The following CUL2 variants were observed in gnomAD, a reference collection of about 807,000 sequenced individuals.
CUL2 encodes cullin-2.
A neutral mutation model predicts 110.2 loss-of-function variants in CUL2; 22 were observed. The observed-to-expected ratio is 0.20, with a 90% CI of 0.14 to 0.28. The LOEUF (loss-of-function observed/expected upper bound fraction) is 0.28. Among genes scored for constraint, CUL2 ranks in the 10% least tolerant of loss-of-function variants. The probability of loss-of-function intolerance (pLI) is 1.00; values close to 1 mark genes in which losing one functional copy is unlikely to be tolerated. For synonymous variants in CUL2, 279 were observed against 293.2 expected (o/e 0.95, Z 0.49); for missense variants, 631 against 905.5 (o/e 0.70, Z 3.89).
chr10:35,047,050 T>C (rs536460223), intron 6 of CUL2, among the ~76,000 whole-genome samples: 2 of 152,350 alleles, frequency 1.3e-5, no homozygotes, highest in East Asian at 1.9e-4. Flanking sequence ...GATAAAATTT[T>C]CCAGGTAATA....
intron 17 of CUL2, among the ~76,000 whole-genome samples, chr10:35,018,122 CAA>C (rs11395891): frequency 1.5e-5 from 2 of 131,562 alleles, no homozygotes; most frequent in African/African-American, 2.9e-5. Context: ...ACTAAAAATA[CAA>C]AAAAAAAAAA....
At chr10:35,115,328 GAGGCGGGCGGATAGCGA>G (rs1204922587) in intron 1 of CUL2, among the ~76,000 whole-genome samples, 4 of 150,910 alleles carry the variant, frequency 2.7e-5, no homozygotes, top group Admixed American at 6.6e-5. Context: ...TTGGGAGGCG[GAGGCGGGCGGATAGCGA>G]GGTTAGGAAT....
chr10:35,105,633 G>A (rs1013653010), intron 1 of CUL2, among the ~76,000 whole-genome samples: 2 of 151,228 alleles, frequency 1.3e-5, no homozygotes, highest in Non-Finnish European at 2.9e-5. Context: ...ACTTGACCCC[G>A]GGAGGCAGAG....
chr10:35,054,511 T>G lies in CUL2; in HGVS notation c.346A>C (p.Asn116His). 6.3e-7 allele frequency: 1 copy of G among 1,596,172 alleles called. No individual in the cohort carries two copies. Among genetic ancestry groups the G allele is most frequent in the Non-Finnish European group, 8.5e-7 (1 of 1,171,496 alleles). Residue 116 changes from asparagine to histidine, a missense_variant, in exon 5 of 21, where the codon AAT becomes CAT. Asn to His is a moderately conservative substitution (Grantham distance 68). Transcript: ENST00000374749. ...TGAAGGTCCGCTTCTGTTAATTTAT[T>G]CTTTTTAATAAACTGGGTGTTGAGA... The part of the protein sequence containing the change: ...RYLNTQFIKK[N>H]KLTEADLQYG...
chr10:35,047,405 T>TA (rs1176671435), intron 6 of CUL2, among the ~76,000 whole-genome samples: 2 of 148,850 alleles, frequency 1.3e-5, no homozygotes, highest in Non-Finnish European at 1.5e-5. Flanking sequence ...GGTCAGGAGA[T>TA]AGAGACCATC....
Position 35,050,839 on chromosome 10 carries a change from T to A in CUL2, c.424-1074A>T, listed in dbSNP as rs1325543995. ...TAAGCAACAGATTCTCTGATATACA[T>A]CTACAAGTTGAGATCCTGTACTGAA... On this transcript the variant is annotated intron_variant, in intron 5 of 20. Transcript: ENST00000374749. Among the ~76,000 whole-genome samples, 4 of 152,366 alleles carry A rather than the reference T, an allele frequency of 2.6e-5. No homozygotes were observed. The East Asian group carries it at 7.7e-4, about 29-fold the overall frequency.
chr10:35,039,545 A>G (rs1341899172), intron 8 of CUL2, among the ~76,000 whole-genome samples: 2 of 152,270 alleles, frequency 1.3e-5, no homozygotes, highest in Non-Finnish European at 2.9e-5. Flanking sequence ...ATAGTTAACT[A>G]CCATATTAAA....
chr10:35,052,890 G>A (rs1274667844), intron 5 of CUL2, among the ~76,000 whole-genome samples: 2 of 141,896 alleles, frequency 1.4e-5, no homozygotes, highest in Non-Finnish European at 3.0e-5. Context: ...GCGAGACTCC[G>A]TCTCAAAAAA....
chr10:35,099,125 G>C (rs574190664), intron 2 of CUL2, among the ~76,000 whole-genome samples: 1 of 152,130 alleles, frequency 6.6e-6, no homozygotes, highest in South Asian at 2.1e-4. Context: ...GGGTGCATTG[G>C]CTCATGCCTT....
chr10:35,042,848 A>T (rs1564716269), intron 8 of CUL2, among the ~76,000 whole-genome samples: 1 of 152,168 alleles, frequency 6.6e-6, no homozygotes, highest in Non-Finnish European at 1.5e-5. Flanking sequence ...CTTGAAAGCC[A>T]GTCGGTCAGT....
At position 35,011,941 on chromosome 10, in the gene CUL2, T is replaced by G. The variant is rs777120601; in HGVS notation, c.2013A>C (p.Ala671=). The change falls in exon 20 of 21, where the codon GCA becomes GCC. Residue 671 remains alanine, a synonymous_variant. Coordinates refer to ENST00000374749, the MANE Select transcript of CUL2 (RefSeq NM_003591.4). ...GATACATTTTCCGGTCCTCATCAAC[T>G]GCACTTCTAGTCTGCTCCATTTCCT... ...TPQEMEQTRS[A]VDEDRKMYLQ... The G allele has an allele frequency of 9.3e-6, 15 of 1,607,696 alleles. No homozygotes were observed. The highest frequency in any genetic ancestry group is 1.3e-5 in the Non-Finnish European group (15 of 1,176,190).
chr10:35,124,325 T>TA (rs1291661655), intron 1 of CUL2, among the ~76,000 whole-genome samples: 2 of 152,158 alleles, frequency 1.3e-5, no homozygotes, highest in Admixed American at 1.3e-4. Flanking sequence ...CTCATGCCTA[T>TA]AATCCCAGCA....
At chr10:35,122,726 C>T (rs1032228627) in intron 1 of CUL2, among the ~76,000 whole-genome samples, 2 of 152,270 alleles carry the variant, frequency 1.3e-5, no homozygotes, top group Admixed American at 6.5e-5. Flanking sequence ...CAACCTCCAC[C>T]CCCTGGGTTC....
chr10:35,075,674 ACACACACACG>A (rs1405158320), intron 1 of CUL2, among the ~76,000 whole-genome samples: 3 of 140,642 alleles, frequency 2.1e-5, no homozygotes, highest in African/African-American at 7.8e-5. Context: ...ACACACACAC[ACACACACACG>A]CACGCTCCAC....
At chr10:35,057,602 G>A (rs1240062840) in intron 4 of CUL2, among the ~76,000 whole-genome samples, 4 of 146,994 alleles carry the variant, frequency 2.7e-5, no homozygotes, top group Admixed American at 6.8e-5. Flanking sequence ...GCAGTGAGCC[G>A]AGATCGTGCC....
At chr10:35,035,386 G>A (rs35687560) in intron 9 of CUL2, 90 bp from the exon 10 acceptor site, 51,111 of 1,410,418 alleles carry the variant, frequency 0.036, 1,097 homozygotes, top group Middle Eastern at 0.084. Flanking sequence ...TACAATATAC[G>A]GATCCAAGTG....
In CUL2 at chr10:35,060,905, T is replaced by C. The variant is rs1465581980; in HGVS notation, c.286A>G (p.Lys96Glu). 1.2e-6 allele frequency: 2 copies of C among 1,614,030 alleles called. No homozygotes were observed. The highest frequency in any genetic ancestry group is 1.7e-5 in the Admixed American group (1 of 60,026). ...AAGCAGTCCATATAGTCTGCACCCT[T>C]GCTGTATTCTTCCCAGTACCTATGA... is the stretch of plus-strand genomic sequence containing the variant. Reference protein sequence around the residue: ...MYHRYWEEYSKGADYMDCLYR... With the variant: ...MYHRYWEEYSEGADYMDCLYR... The change falls in exon 4 of 21, where the codon AAG (lysine) becomes GAG (glutamate). Residue 96 changes from lysine to glutamate, a missense_variant. Coordinates refer to ENST00000374749, the MANE Select transcript of CUL2 (RefSeq NM_003591.4).
intron 1 of CUL2, among the ~76,000 whole-genome samples, chr10:35,077,979 T>C (rs1422111197): frequency 6.6e-6 from 1 of 152,130 alleles, no homozygotes; most frequent in Non-Finnish European, 1.5e-5. Flanking sequence ...TACAATATTC[T>C]TTTTTTGTAT....
At chr10:35,096,664 A>T (rs934686300) in intron 2 of CUL2, among the ~76,000 whole-genome samples, 2 of 152,290 alleles carry the variant, frequency 1.3e-5, no homozygotes, top group African/African-American at 4.8e-5. Flanking sequence ...AGGAAGTACT[A>T]AAAAACAAAA....
Sources: allele counts gnomAD v4.1 joint callset (sites outside exome capture counted in the v4.1 genomes callset), GRCh38; gene constraint gnomAD v4.1.1; transcripts MANE v1.5; gene names NCBI Gene and HGNC (gene_info 2026-07-23, HGNC 2026-07-21).